Variants in IMPA2 observed in about 807,000 individuals in gnomAD.
IMPA2 encodes IMP 2.
In IMPA2, 32 loss-of-function variants were observed where a neutral mutation model predicts 35.1. The ratio of observed to expected loss-of-function variants is 0.91; its 90% CI spans 0.69 to 1.23. IMPA2 has a LOEUF of 1.23. IMPA2 is among the 50% of genes most tolerant of loss of function. IMPA2 has a pLI of 0.00. For missense variants in IMPA2, 334 were observed against 387.6 expected, an observed-to-expected ratio of 0.86 and a Z score of 1.16; for synonymous variants, 135 against 160.6, an observed-to-expected ratio of 0.84 and a Z score of 1.20.
In IMPA2 at chr18:12,010,859, T is replaced by A. The variant is rs1160878671; in HGVS notation, c.335+872T>A. On this transcript the variant is annotated intron_variant, in intron 3 of 7. Transcript: ENST00000269159. The surrounding 1 kb of genome is among the most constrained non-coding windows in gnomAD (Gnocchi z 4.8). ...AGTTATTCCATGCTAAGCACAGCCT[T>A]TTTCTAGGTGAGTTGCCTCGAGAAT... 6.6e-6 allele frequency among the ~76,000 whole-genome samples: 1 copy of A among 152,200 alleles called. No individual in the cohort carries two copies. Among genetic ancestry groups the A allele is most frequent in the Non-Finnish European group, 1.5e-5 (1 of 68,034 alleles).
At chr18:12,000,338 T>C (rs1420121917) in intron 2 of IMPA2, among the ~76,000 whole-genome samples, 3 of 148,966 alleles carry the variant, frequency 2.0e-5, no homozygotes, top group Admixed American at 2.0e-4. Flanking sequence ...CTGGCTCTTT[T>C]TTTTTTTTTT....
At chr18:12,020,914 C>CT (rs1197343587) in intron 5 of IMPA2, among the ~76,000 whole-genome samples, 1 of 141,698 alleles carries the variant, frequency 7.1e-6, no homozygotes, top group African/African-American at 2.7e-5. Flanking sequence ...GCTCCTCACT[C>CT]TTTTTTTCTT....
intron 1 of IMPA2, among the ~76,000 whole-genome samples, chr18:11,986,969 ATGTTT>A (rs60620620): frequency 0.11 from 16,047 of 152,112 alleles, 1,015 homozygotes; most frequent in East Asian, 0.28. Flanking sequence ...TCGTTAAAGA[ATGTTT>A]TGTTTTGTTT....
intron 5 of IMPA2, among the ~76,000 whole-genome samples, chr18:12,024,066 T>C (rs1907809079): frequency 6.6e-6 from 1 of 152,198 alleles, no homozygotes; most frequent in Non-Finnish European, 1.5e-5. Context: ...TTGTTTACAA[T>C]AAAAATGAAA....
chr18:12,011,083 A>G (rs2143805800), intron 3 of IMPA2, among the ~76,000 whole-genome samples: 1 of 152,280 alleles, frequency 6.6e-6, no homozygotes, highest in South Asian at 2.1e-4. Flanking sequence ...TAATGGTGAC[A>G]TGGCAGGTGA....
chr18:12,008,463 A>G (rs766249345), intron 2 of IMPA2: 5 of 487,422 alleles, frequency 1.0e-5, no homozygotes, highest in Non-Finnish European at 2.1e-5. Flanking sequence ...CCCTTAGTGA[A>G]CTTGGGACAG....
At chr18:11,996,203 C>T (rs1906954161) in intron 1 of IMPA2, among the ~76,000 whole-genome samples, 1 of 152,152 alleles carries the variant, frequency 6.6e-6, no homozygotes, top group Admixed American at 6.5e-5. Flanking sequence ...TGAGAAAACC[C>T]CAGAGCACAG....
At chr18:11,986,251 C>T (rs145901846) in intron 1 of IMPA2, among the ~76,000 whole-genome samples, 78 of 152,302 alleles carry the variant, frequency 5.1e-4, no homozygotes, top group Middle Eastern at 3.4e-3. Context: ...CAGATCTGGT[C>T]GCTCTGCTTG....
chr18:12,001,018 G>A (rs1598690791), intron 2 of IMPA2, among the ~76,000 whole-genome samples: 1 of 151,190 alleles, frequency 6.6e-6, no homozygotes, highest in Non-Finnish European at 1.5e-5. Context: ...GATCACGAGT[G>A]AGGAGTTCAA....
intron 1 of IMPA2, among the ~76,000 whole-genome samples, chr18:11,990,053 A>AGGAGCCT (rs1465670274): frequency 6.6e-6 from 1 of 152,184 alleles, no homozygotes; most frequent in Admixed American, 6.5e-5. Flanking sequence ...CAGTGGAGAC[A>AGGAGCCT]GGAGCCTGGA....
At chr18:11,982,511 TG>T (rs1468015720) in intron 1 of IMPA2, among the ~76,000 whole-genome samples, 1 of 152,154 alleles carries the variant, frequency 6.6e-6, no homozygotes, top group Non-Finnish European at 1.5e-5. Context: ...GATGTGATTG[TG>T]GGCCGGGCGC....
intron 7 of IMPA2, among the ~76,000 whole-genome samples, 164 bp from the exon 8 acceptor site, chr18:12,030,179 T>C (rs958270896): frequency 6.6e-6 from 1 of 152,250 alleles, no homozygotes; most frequent in Non-Finnish European, 1.5e-5. Flanking sequence ...CTCTATTCTT[T>C]GCCGAATTCA....
intron 5 of IMPA2, among the ~76,000 whole-genome samples, chr18:12,023,911 G>A (rs1907804533): frequency 6.6e-6 from 1 of 152,198 alleles, no homozygotes; most frequent in Non-Finnish European, 1.5e-5. Flanking sequence ...AATTGATTCA[G>A]CTTTCCCAGA....
At chr18:11,982,238 G>A (rs1302191024) in intron 1 of IMPA2, among the ~76,000 whole-genome samples, 1 of 152,160 alleles carries the variant, frequency 6.6e-6, no homozygotes, top group Non-Finnish European at 1.5e-5. Flanking sequence ...GCTCAGCTCC[G>A]CGACGGCCAC....
intron 1 of IMPA2, among the ~76,000 whole-genome samples, chr18:11,982,517 G>A (rs769623996): frequency 1.3e-4 from 20 of 152,180 alleles, no homozygotes; most frequent in Non-Finnish European, 2.1e-4. Context: ...ATTGTGGGCC[G>A]GGCGCAGTGG....
intron 5 of IMPA2, among the ~76,000 whole-genome samples, chr18:12,016,093 G>A (rs570747994): frequency 2.0e-5 from 3 of 152,346 alleles, no homozygotes; most frequent in African/African-American, 7.2e-5. Context: ...ACTCATTTGT[G>A]ACTTTAGAAA....
At chr18:12,025,959 A>G (rs1213983055) in intron 5 of IMPA2, among the ~76,000 whole-genome samples, 1 of 151,832 alleles carries the variant, frequency 6.6e-6, no homozygotes, top group Admixed American at 6.6e-5. Flanking sequence ...TCTTCTTGTG[A>G]GTCCAATTTC....
rs1297815437 is a variant in IMPA2, at chr18:11,987,423, C to T, written c.96+5658C>T. Among the ~76,000 whole-genome samples the T allele has an allele frequency of 3.3e-5, 5 of 152,308 alleles. No individual in the cohort carries two copies. In the East Asian group the frequency reaches 7.7e-4, roughly 24 times the overall value. On this transcript the variant is annotated intron_variant, in intron 1 of 7. Transcript: ENST00000269159. ...TTGGCTCATCAAAACCTCTGCCTCC[C>T]GAGTTCAAGTGATTCTCCTGCCTCA...
In IMPA2 at chr18:11,981,566, G is replaced by A. The variant is rs1598677239; in HGVS notation, c.-104G>A. The A allele has an allele frequency of 2.8e-6, 2 of 712,592 alleles. No homozygotes were observed. The highest frequency in any genetic ancestry group is 6.9e-5 in the East Asian group (2 of 28,866). 44.1% of individuals were successfully genotyped at this position (712,592 alleles called of 1,614,324 possible). On this transcript the variant is annotated 5_prime_UTR_variant, in exon 1 of 8. Coordinates refer to ENST00000269159, the MANE Select transcript of IMPA2 (RefSeq NM_014214.3). ...GCGGACTAGGCACAGAGCTGCGGGA[G>A]CAGGCACAGGGAGTGTGGAGCCTGG...
Sources: allele counts gnomAD v4.1 joint callset (sites outside exome capture counted in the v4.1 genomes callset), GRCh38; gene constraint gnomAD v4.1.1; non-coding constraint Gnocchi (gnomAD v3.1); transcripts MANE v1.5; gene names NCBI Gene and HGNC (gene_info 2026-07-23, HGNC 2026-07-21).